The following PATJ variants were observed in gnomAD, a reference collection of about 807,000 sequenced individuals.
The protein encoded by PATJ is inaD-like protein.
PATJ carries 190 observed loss-of-function variants against 224.9 expected under a neutral mutation model. That is an observed-to-expected ratio of 0.84 (90% CI 0.75 to 0.95). The LOEUF (loss-of-function observed/expected upper bound fraction) is 0.95. PATJ is among the 40% of genes least tolerant of loss of function. The pLI, the probability that PATJ is intolerant of heterozygous loss-of-function variation, is 0.00. For missense variants in PATJ, 2,121 were observed against 2,270.3 expected (o/e 0.93, Z 1.34); for synonymous variants, 769 against 820.3 (o/e 0.94, Z 1.07).
intron 15 of PATJ, among the ~76,000 whole-genome samples, chr1:61,823,739 T>A (rs1387144270): frequency 6.6e-6 from 1 of 150,900 alleles, no homozygotes; most frequent in African/African-American, 2.4e-5. Flanking sequence ...ATTTTAGAGA[T>A]TTTTTTTTTC....
chr1:61,874,195 T>TATTTATTG (rs1667055424), intron 20 of PATJ, among the ~76,000 whole-genome samples: 1 of 149,486 alleles, frequency 6.7e-6, no homozygotes, highest in Admixed American at 6.7e-5. Flanking sequence ...TTTATTTATT[T>TATTTATTG]ATTTATTTAT....
intron 42 of PATJ, among the ~76,000 whole-genome samples, chr1:62,151,563 C>G (rs1247271449): frequency 1.3e-5 from 2 of 151,988 alleles, no homozygotes; most frequent in Non-Finnish European, 2.9e-5. Flanking sequence ...TGCACTGCAG[C>G]CTGGGTGACA....
rs149975309 is a variant in PATJ at position 61,992,468 on chromosome 1, T to G, written c.3867+2104T>G. Among the ~76,000 whole-genome samples the G allele has an allele frequency of 6.0e-4, 92 of 152,294 alleles. 1 individual carries two copies. The highest frequency in any genetic ancestry group is 2.1e-3 in the African/African-American group (86 of 41,552). On this transcript the variant is annotated intron_variant, in intron 28 of 43. Coordinates refer to ENST00000642238, the MANE Select transcript of PATJ (RefSeq NM_001350145.3). ...AATTTGTTTAGATTCAGGAGATTCC[T>G]GATTTTTGATGCTTTAGTCTTCAGG... is the stretch of plus-strand genomic sequence containing the variant.
chr1:62,044,097 C>T (rs1030168682), intron 30 of PATJ, among the ~76,000 whole-genome samples: 2 of 152,072 alleles, frequency 1.3e-5, no homozygotes, highest in South Asian at 2.1e-4. Context: ...TATTTCTTCC[C>T]GTACTTATTT....
At chr1:61,959,647 G>A (rs1291701907) in intron 27 of PATJ, among the ~76,000 whole-genome samples, 1 of 151,592 alleles carries the variant, frequency 6.6e-6, no homozygotes, top group Non-Finnish European at 1.5e-5. Context: ...TAACCAGGTT[G>A]CCCAGGCTGG....
chr1:61,793,259 A>G (rs928445730), intron 9 of PATJ, among the ~76,000 whole-genome samples: 3 of 152,174 alleles, frequency 2.0e-5, no homozygotes, highest in African/African-American at 4.8e-5. Flanking sequence ...CCACTGTACA[A>G]GCAAACTATC....
intron 26 of PATJ, among the ~76,000 whole-genome samples, chr1:61,917,261 T>C (rs1277934545): frequency 1.3e-5 from 2 of 152,160 alleles, no homozygotes; most frequent in Non-Finnish European, 2.9e-5. Flanking sequence ...AAGGCCAAGA[T>C]ATTGGAGGTT....
chr1:61,962,339 G>C (rs1681435730), intron 27 of PATJ, among the ~76,000 whole-genome samples: 1 of 152,176 alleles, frequency 6.6e-6, no homozygotes, highest in Admixed American at 6.5e-5. Flanking sequence ...TTAAAATTAG[G>C]CAGAAGGCAT....
intron 12 of PATJ, among the ~76,000 whole-genome samples, chr1:61,803,604 G>A (rs553858441): frequency 3.3e-5 from 5 of 152,210 alleles, no homozygotes; most frequent in Admixed American, 2.0e-4. Flanking sequence ...AACCTCATTC[G>A]CAATGAAAGA....
chr1:61,903,292 A>G (rs1671443053), intron 24 of PATJ, among the ~76,000 whole-genome samples: 1 of 152,328 alleles, frequency 6.6e-6, no homozygotes, highest in African/African-American at 2.4e-5. Flanking sequence ...TTGCAGGTGA[A>G]TAATAGGACT....
chr1:61,875,272 ACCATCT>A lies in PATJ; in HGVS notation c.2866_2871del (p.Pro956_Ser957del), dbSNP rs1217464134. ...AAGAAAATTTTGTCATGGAGTCCCT[ACCATCT>A]GTACCATCAACTGAAGGAAACAGTC... On this transcript the variant is annotated inframe_deletion, in exon 21 of 44. Transcript: ENST00000642238. 9 of 1,603,688 alleles carry A rather than the reference ACCATCT, an allele frequency of 5.6e-6. No homozygotes were observed. The African/African-American group carries it at 1.2e-4, about 21-fold the overall frequency.
intron 33 of PATJ, among the ~76,000 whole-genome samples, chr1:62,104,769 T>A (rs1351404013): frequency 1.3e-5 from 2 of 152,148 alleles, no homozygotes; most frequent in Non-Finnish European, 2.9e-5. Context: ...CCTCCCGGGT[T>A]CAAGTGATTC....
intron 14 of PATJ, 94 bp from the exon 15 acceptor site, chr1:61,822,851 G>T: frequency 7.1e-7 from 1 of 1,409,060 alleles, no homozygotes; most frequent in Non-Finnish European, 9.7e-7. Flanking sequence ...AATTCAAGAG[G>T]TGGGGTTTTT....
chr1:61,780,597 A>G (rs1647196443), intron 7 of PATJ, among the ~76,000 whole-genome samples: 1 of 152,156 alleles, frequency 6.6e-6, no homozygotes. Context: ...CTTTCTTTGT[A>G]TTCCCTCCCT....
chr1:62,151,411 A>G (rs1343239666), intron 42 of PATJ, among the ~76,000 whole-genome samples: 2 of 151,426 alleles, frequency 1.3e-5, no homozygotes, highest in Non-Finnish European at 2.9e-5. Flanking sequence ...ACATGGTGAA[A>G]AACCCCGTCT....
chr1:61,765,205 G>C (rs12034784), intron 3 of PATJ, among the ~76,000 whole-genome samples: 2 of 147,088 alleles, frequency 1.4e-5, no homozygotes, highest in African/African-American at 5.0e-5. Context: ...CTCCCAAGTA[G>C]CTGGGCCTAC....
intron 14 of PATJ, among the ~76,000 whole-genome samples, chr1:61,822,583 A>T (rs1200763644): frequency 1.3e-5 from 2 of 152,204 alleles, no homozygotes; most frequent in Non-Finnish European, 2.9e-5. Flanking sequence ...GAAGTTAATT[A>T]GATAATAAAG....
chr1:62,033,025 A>G (rs12738455), intron 29 of PATJ, among the ~76,000 whole-genome samples: 15,316 of 152,088 alleles, frequency 0.1, 961 homozygotes, highest in South Asian at 0.16. Flanking sequence ...AGTTACCTCC[A>G]CCTGGTCTCT....
intron 24 of PATJ, among the ~76,000 whole-genome samples, chr1:61,903,477 A>G (rs1571210641): frequency 6.6e-6 from 1 of 152,200 alleles, no homozygotes; most frequent in African/African-American, 2.4e-5. Context: ...TGACATCCAT[A>G]TAATAATAGT....
Sources: gnomAD v4.1 joint callset for allele counts (sites outside exome capture counted in the v4.1 genomes callset) on GRCh38, gnomAD v4.1.1 for gene constraint, MANE v1.5 for transcripts, NCBI Gene and HGNC (gene_info 2026-07-23, HGNC 2026-07-21) for gene names.